The following RNF128 variants were observed in gnomAD, a reference collection of about 807,000 sequenced individuals.
RNF128 encodes ring finger protein 128.
RNF128 carries 13 observed loss-of-function variants against 26.2 expected under a neutral mutation model. That is an observed-to-expected ratio of 0.50 (90% CI 0.32 to 0.79). The LOEUF (loss-of-function observed/expected upper bound fraction) is 0.79. Among genes scored for constraint, RNF128 ranks in the 30% least tolerant of loss-of-function variants. RNF128 has a pLI of 0.03. For missense variants in RNF128, 315 were observed against 349.7 expected (o/e 0.90, Z 0.79); for synonymous variants, 149 against 142.5 (o/e 1.05, Z -0.32).
chrX:106,770,129 G>C (rs1930343829), intron 1 of RNF128, among the ~76,000 whole-genome samples: 1 of 111,685 alleles, frequency 9.0e-6, no homozygotes, highest in Admixed American at 9.5e-5. Context: ...TAGTCTGATG[G>C]GCTTCCCTTT....
intron 1 of RNF128, among the ~76,000 whole-genome samples, chrX:106,698,306 G>A (rs1230455477): frequency 6.4e-5 from 7 of 110,036 alleles, no homozygotes; most frequent in Non-Finnish European, 7.6e-5. Context: ...TGGTTTTTAC[G>A]TTTTATCATT....
intron 2 of RNF128, among the ~76,000 whole-genome samples, chrX:106,776,718 T>A (rs1473447953): frequency 2.7e-5 from 3 of 110,723 alleles, no homozygotes; most frequent in African/African-American, 9.8e-5. Flanking sequence ...ATTTATGGAA[T>A]TTTTTTTTGT....
At chrX:106,725,176 T>C (rs1929373417), upstream of RNF128, among the ~76,000 whole-genome samples, 1 of 111,889 alleles carries the variant, frequency 8.9e-6, no homozygotes, top group Admixed American at 9.5e-5. Context: ...ATTTTTCCCC[T>C]AGGTAATTTT....
chrX:106,765,289 G>C (rs1489268448), intron 1 of RNF128, among the ~76,000 whole-genome samples: 4 of 112,005 alleles, frequency 3.6e-5, no homozygotes, highest in African/African-American at 6.5e-5. Flanking sequence ...GAGAATCTTA[G>C]CATACTATGA....
At chrX:106,755,836 C>A (rs1360734526) in intron 1 of RNF128, among the ~76,000 whole-genome samples, 1 of 110,143 alleles carries the variant, frequency 9.1e-6, no homozygotes, top group African/African-American at 3.3e-5. Context: ...CTAGAAAACC[C>A]CATTGTCTCA....
At chrX:106,699,505 G>A (rs181421194) in intron 1 of RNF128, among the ~76,000 whole-genome samples, 66 of 110,755 alleles carry the variant, frequency 6.0e-4, no homozygotes, top group Non-Finnish European at 9.1e-4. Context: ...GCCAGCTCTC[G>A]CACTGACTAC....
At chrX:106,744,805 A>G (rs1929767576) in intron 1 of RNF128, among the ~76,000 whole-genome samples, 1 of 112,035 alleles carries the variant, frequency 8.9e-6, no homozygotes, top group Non-Finnish European at 1.9e-5. Flanking sequence ...TTAATTTCTA[A>G]TGTGGTAAAT....
chrX:106,775,416 G>T (rs1251995864), intron 2 of RNF128, among the ~76,000 whole-genome samples: 2 of 111,746 alleles, frequency 1.8e-5, no homozygotes, highest in Non-Finnish European at 3.8e-5. Flanking sequence ...GTGTTACAGA[G>T]CTTCATTGGA....
At chrX:106,756,751 A>C (rs1177853522) in intron 1 of RNF128, among the ~76,000 whole-genome samples, 159 of 105,651 alleles carry the variant, frequency 1.5e-3, no homozygotes, top group East Asian at 9.7e-3. Context: ...TCTAATTAAA[A>C]TAAAGAGCTT....
chrX:106,715,863 C>G (rs935837408), intron 1 of RNF128, among the ~76,000 whole-genome samples: 1 of 111,374 alleles, frequency 9.0e-6, no homozygotes, highest in African/African-American at 3.3e-5. Flanking sequence ...GCAGGCTAAA[C>G]TACTCTTCTC....
chrX:106,790,070 A>G, intron 4 of RNF128, 116 bp from the exon 5 acceptor site: 1 of 413,448 alleles, frequency 2.4e-6, no homozygotes, highest in Non-Finnish European at 4.2e-6. Flanking sequence ...AGTGTGTTTA[A>G]AAGGAAAGGC....
At chrX:106,768,598 TTC>T (rs1218601733) in intron 1 of RNF128, among the ~76,000 whole-genome samples, 2 of 111,989 alleles carry the variant, frequency 1.8e-5, no homozygotes, top group African/African-American at 6.5e-5. Context: ...CATTTGATTC[TTC>T]TCTCTTTTCT....
intron 1 of RNF128, among the ~76,000 whole-genome samples, chrX:106,713,028 C>A (rs1929155345): frequency 9.3e-6 from 1 of 107,508 alleles, no homozygotes; most frequent in Non-Finnish European, 1.9e-5. Context: ...CTGCAGGTAT[C>A]CGCCGCTTCG....
At chrX:106,710,474 C>T (rs1056282635) in intron 1 of RNF128, among the ~76,000 whole-genome samples, 3 of 111,914 alleles carry the variant, frequency 2.7e-5, no homozygotes, top group African/African-American at 9.8e-5. Flanking sequence ...AAAAGCTGAT[C>T]TGGCTGGGCA....
chrX:106,778,502 A>G (rs1930509212), intron 2 of RNF128, among the ~76,000 whole-genome samples: 1 of 111,925 alleles, frequency 8.9e-6, no homozygotes, highest in Non-Finnish European at 1.9e-5. Context: ...TCTTTATGTT[A>G]GTGATTGATA....
At chrX:106,788,610 A>C (rs1160783943) in intron 4 of RNF128, among the ~76,000 whole-genome samples, 1 of 58,713 alleles carries the variant, frequency 1.7e-5, no homozygotes, top group Non-Finnish European at 2.7e-5. Context: ...TAATACATAT[A>C]CTCTATATTA....
intron 1 of RNF128, among the ~76,000 whole-genome samples, chrX:106,771,869 A>G (rs1045672230): frequency 7.1e-5 from 8 of 111,982 alleles, no homozygotes; most frequent in African/African-American, 2.6e-4. Context: ...CCATCTTGGA[A>G]CCTCCTCTAA....
intron 1 of RNF128, among the ~76,000 whole-genome samples, chrX:106,758,800 TA>T (rs1055413188): frequency 9.0e-6 from 1 of 111,416 alleles, no homozygotes; most frequent in African/African-American, 3.3e-5. Context: ...AATGAAGACT[TA>T]AATCTAAGAC....
chrX:106,713,412 T>C, intron 1 of RNF128, among the ~76,000 whole-genome samples: 1 of 109,865 alleles, frequency 9.1e-6, no homozygotes, highest in African/African-American at 3.3e-5. Flanking sequence ...GAGACTGAGG[T>C]GGGAGGATCG....
Sources: allele counts gnomAD v4.1 joint callset (sites outside exome capture counted in the v4.1 genomes callset), GRCh38; gene constraint gnomAD v4.1.1; transcripts MANE v1.5; gene names NCBI Gene and HGNC (gene_info 2026-07-23, HGNC 2026-07-21).